PKHD1L1: variants seen among roughly 807,000 people sequenced by gnomAD.
PKHD1L1 encodes the protein PKHD1 like 1.
PKHD1L1 carries 434 observed loss-of-function variants against 462.9 expected under a neutral mutation model. The ratio of observed to expected loss-of-function variants is 0.94; its 90% confidence interval spans 0.87 to 1.02. PKHD1L1 has a LOEUF of 1.02. Ranked by LOEUF, PKHD1L1 falls within the 50% of genes least tolerant of loss-of-function variation. PKHD1L1 has a pLI of 0.00. For missense variants in PKHD1L1, 5,202 were observed against 5,096.1 expected (o/e 1.02, Z -0.63); for synonymous variants, 1,781 against 1,750.0 (o/e 1.02, Z -0.44).
chr8:109,438,976 A>T lies in PKHD1L1; in HGVS notation c.3840A>T (p.Lys1280Asn). 1 of 1,613,680 alleles carries T rather than the reference A, an allele frequency of 6.2e-7. No individual in the cohort carries two copies. The highest frequency in any genetic ancestry group is 1.1e-5 in the South Asian group (1 of 91,060). Residue 1280 changes from lysine (K) to asparagine (N), a missense_variant, in exon 32 of 78, where the codon AAA becomes AAT. By Grantham distance (94) the Lys-to-Asn change is moderately conservative (BLOSUM62 0). Transcript: ENST00000378402. Reference sequence around the variant, plus strand: ...ACATGGCGGTGTATGTTGGAGGAAAAACCTGCCAGATTCTTCACTGGAACT... The same window carrying T: ...ACATGGCGGTGTATGTTGGAGGAAATACCTGCCAGATTCTTCACTGGAACT... ...TQNMAVYVGGKTCQILHWNFT... is the reference protein window; with the variant it reads ...TQNMAVYVGGNTCQILHWNFT...
chr8:109,414,409 T>A lies in PKHD1L1; in HGVS notation c.2360+864T>A, dbSNP rs150518770. 4.0e-3 allele frequency among the ~76,000 whole-genome samples: 603 copies of A among 152,282 alleles called. 4 individuals are homozygous for A. The highest frequency in any genetic ancestry group is 0.014 in the African/African-American group (581 of 41,572). On this transcript the variant is annotated intron_variant, in intron 21 of 77. Transcript: ENST00000378402. Reference sequence around the variant, plus strand: ...GACATAGAACATTTTCTCTCTACAATTGTAGAAGTTTTTCTTTCATATAAA... The same window carrying A: ...GACATAGAACATTTTCTCTCTACAAATGTAGAAGTTTTTCTTTCATATAAA...
chr8:109,448,749 T>G (rs1816313998), intron 39 of PKHD1L1, among the ~76,000 whole-genome samples: 1 of 152,052 alleles, frequency 6.6e-6, no homozygotes, highest in African/African-American at 2.4e-5. Flanking sequence ...AATACTTTGC[T>G]TTATGTAGCA....
chr8:109,392,412 A>G (rs1190913262), intron 9 of PKHD1L1, among the ~76,000 whole-genome samples: 1 of 152,164 alleles, frequency 6.6e-6, no homozygotes, highest in African/African-American at 2.4e-5. Context: ...TCAATTTAGA[A>G]ATGCCAGGAA....
chr8:109,443,975 T>C, intron 37 of PKHD1L1, 73 bp downstream of exon 37: 1 of 1,304,848 alleles, frequency 7.7e-7, no homozygotes, highest in Non-Finnish European at 1.1e-6. Context: ...ATAACCTTGT[T>C]ATTTAATTTT....
chr8:109,403,196 C>T (rs1006892154), intron 14 of PKHD1L1, among the ~76,000 whole-genome samples: 2 of 152,188 alleles, frequency 1.3e-5, no homozygotes, highest in East Asian at 3.9e-4. Context: ...ACAATGATGG[C>T]TATGAAATCT....
chr8:109,415,864 G>GGGTGT (rs1412111334), intron 21 of PKHD1L1, among the ~76,000 whole-genome samples: 235 of 100,424 alleles, frequency 2.3e-3, no homozygotes, highest in African/African-American at 7.6e-3. Flanking sequence ...AAAAAAAAGG[G>GGGTGT]GTGTGTGTGT....
intron 68 of PKHD1L1, among the ~76,000 whole-genome samples, chr8:109,504,816 G>C (rs1012038031): frequency 2.6e-5 from 4 of 152,126 alleles, no homozygotes; most frequent in Non-Finnish European, 5.9e-5. Flanking sequence ...ATTTAGAGCA[G>C]GCATAATGTG....
intron 15 of PKHD1L1, 78 bp downstream of exon 15, chr8:109,404,791 A>T: frequency 7.3e-7 from 1 of 1,376,776 alleles, no homozygotes; most frequent in Non-Finnish European, 9.7e-7. Context: ...TAATTTTACT[A>T]GGTAAGATAC....
At chr8:109,521,830 T>C (rs1820565482) in intron 73 of PKHD1L1, among the ~76,000 whole-genome samples, 1 of 152,138 alleles carries the variant, frequency 6.6e-6, no homozygotes, top group African/African-American at 2.4e-5. Flanking sequence ...TTTTTTAAAA[T>C]GACACATGAT....
chr8:109,527,026 T>A lies in PKHD1L1; in HGVS notation c.12721+6T>A, dbSNP rs771060220. The A allele has an allele frequency of 6.3e-7, 1 of 1,582,238 alleles. No homozygotes were observed. The highest frequency in any genetic ancestry group is 2.2e-5 in the East Asian group (1 of 44,614). ...AACTTTGAATATAACTTTAAGTAAG[T>A]ACAGTCCATTAATACATTATTTCTC... is the stretch of plus-strand genomic sequence containing the variant. On this transcript the variant is annotated splice_donor_region_variant and intron_variant, in intron 77 of 77. Transcript: ENST00000378402.
At position 109,483,085 on chromosome 8, in the gene PKHD1L1, A is replaced by G; in HGVS notation, c.9556A>G (p.Met3186Val). The part of the protein sequence containing the change: ...AFAGSKVLSL[M>V]DAVDWQEGEE... ...TGCAGGTTCCAAAGTCCTGTCTCTGATGGATGCTGTGGATTGGCAGGTAGA... is the reference window on the plus strand; with the variant it reads ...TGCAGGTTCCAAAGTCCTGTCTCTGGTGGATGCTGTGGATTGGCAGGTAGA... Residue 3186 changes from methionine to valine, a missense_variant, in exon 57 of 78, where the codon ATG (methionine) becomes GTG (valine). By Grantham distance (21) the Met-to-Val change is conservative. This residue lies in a region of PKHD1L1 where 4,497 missense variants were observed against 4,336.8 expected (regional missense o/e 1.04). Coordinates refer to ENST00000378402, the MANE Select transcript of PKHD1L1 (RefSeq NM_177531.6). 6.3e-7 allele frequency: 1 copy of G among 1,592,344 alleles called. No individual in the cohort carries two copies. Among genetic ancestry groups the G allele is most frequent in the South Asian group, 1.1e-5 (1 of 88,182 alleles).
chr8:109,406,971 A>C (rs1362595705), intron 17 of PKHD1L1, among the ~76,000 whole-genome samples: 5 of 152,276 alleles, frequency 3.3e-5, no homozygotes, highest in Middle Eastern at 3.4e-3. Context: ...ACCTGTGTTT[A>C]ATGCAAACGT....
At chr8:109,456,466 G>C in intron 46 of PKHD1L1, 75 bp downstream of exon 46, 3 of 1,366,554 alleles carry the variant, frequency 2.2e-6, no homozygotes, top group Non-Finnish European at 2.9e-6. Context: ...GGACAATTCA[G>C]ATGGTGCATG....
At chr8:109,378,260 G>A (rs1811938298) in intron 2 of PKHD1L1, among the ~76,000 whole-genome samples, 1 of 151,976 alleles carries the variant, frequency 6.6e-6, no homozygotes, top group African/African-American at 2.4e-5. Context: ...CTTCACTCCT[G>A]CCCCTATTCT....
chr8:109,487,869 A>C (rs1252582059), intron 59 of PKHD1L1, among the ~76,000 whole-genome samples: 1 of 112,628 alleles, frequency 8.9e-6, no homozygotes, highest in African/African-American at 3.4e-5. Flanking sequence ...AGAGAAAGAC[A>C]GAGAGAAAGA....
In PKHD1L1 at chr8:109,385,277, C is replaced by T. The variant is rs562760676; in HGVS notation, c.476-260C>T. 2.6e-3 allele frequency among the ~76,000 whole-genome samples: 393 copies of T among 149,168 alleles called. 1 individual carries two copies. Among genetic ancestry groups the T allele is most frequent in the Non-Finnish European group, 3.9e-3 (264 of 67,490 alleles). On this transcript the variant is annotated intron_variant, in intron 5 of 77. Transcript: ENST00000378402. ...TTTTTTTTTTTTCTCAAATAGTCAC[C>T]GATTGACCCAAGCTGTACTTGTGGA...
chr8:109,392,719 AC>A (rs1812771335), intron 9 of PKHD1L1, among the ~76,000 whole-genome samples: 1 of 152,192 alleles, frequency 6.6e-6, no homozygotes, highest in African/African-American at 2.4e-5. Flanking sequence ...TTCAAAAAAT[AC>A]ATTATTTTTT....
chr8:109,525,404 G>C (rs760326827), intron 76 of PKHD1L1, among the ~76,000 whole-genome samples: 1 of 152,182 alleles, frequency 6.6e-6, no homozygotes, highest in Non-Finnish European at 1.5e-5. Context: ...CTATTGCTAT[G>C]AAACAAACCA....
At chr8:109,502,407 T>A (rs1157269397) in intron 67 of PKHD1L1, among the ~76,000 whole-genome samples, 3 of 152,196 alleles carry the variant, frequency 2.0e-5, no homozygotes, top group Non-Finnish European at 4.4e-5. Flanking sequence ...AGCAGGAAGT[T>A]ACTTTCTAAT....
Sources: gnomAD v4.1 joint callset for allele counts (sites outside exome capture counted in the v4.1 genomes callset) on GRCh38, gnomAD v4.1.1 for gene constraint, gnomAD v4.1.1 regional missense constraint, MANE v1.5 for transcripts, NCBI Gene and HGNC (gene_info 2026-07-23, HGNC 2026-07-21) for gene names.